The following NOTCH3 variants were observed in gnomAD, a reference collection of about 807,000 sequenced individuals.
The protein encoded by NOTCH3 is neurogenic locus notch homolog protein 3.
In NOTCH3, 86 loss-of-function variants were observed where a neutral mutation model predicts 213.3. The observed-to-expected ratio is 0.40, with a 90% confidence interval of 0.34 to 0.48. NOTCH3 has a LOEUF of 0.48. NOTCH3 is among the 20% of genes least tolerant of loss of function. NOTCH3 has a pLI of 0.57. For missense variants in NOTCH3, 2,783 were observed against 3,272.6 expected, an observed-to-expected ratio of 0.85 and a Z score of 3.65; for synonymous variants, 1,354 against 1,355.9, an observed-to-expected ratio of 1.00 and a Z score of 0.03.
chr19:15,186,879 T>C lies in NOTCH3; in HGVS notation c.1950A>G (p.Thr650=), dbSNP rs1263285190. ...RYDCVCQPGF[T]GPLCNVEINE... ...CTCTCATGGCAGCCACTTGCCCACC[T>C]GTGAAGCCAGGTTGGCAGACACAGT... is the stretch of plus-strand genomic sequence containing the variant. Residue 650 remains threonine, a splice_region_variant and synonymous_variant, in exon 12 of 33, where the codon ACA becomes ACG. Transcript: ENST00000263388. 1 of 1,613,814 alleles carries C rather than the reference T, an allele frequency of 6.2e-7. No individual in the cohort carries two copies. The highest frequency in any genetic ancestry group is 1.7e-5 in the Admixed American group (1 of 60,022).
rs2046804481 is a variant in NOTCH3 at position 15,177,789 on chromosome 19, T to C, written c.4139A>G (p.Glu1380Gly). The C allele has an allele frequency of 2.3e-6, 3 of 1,282,880 alleles. No individual in the cohort carries two copies. The highest frequency in any genetic ancestry group is 3.2e-5 in the East Asian group (1 of 31,020). The allele number at this position is 1,282,880 out of a possible 1,614,324, so 79.5% of individuals were successfully genotyped here. Residue 1380 changes from glutamate to glycine, a missense_variant, in exon 24 of 33, where the codon GAG becomes GGG. Coordinates refer to ENST00000263388, the MANE Select transcript of NOTCH3 (RefSeq NM_000435.3). Reference protein sequence around the residue: ...PRCEAPAAAPEVSEEPRCPRA... With the variant: ...PRCEAPAAAPGVSEEPRCPRA... ...CGGGCACCGCGGCTCCTCCGAGACC[T>C]CGGGTGCCGCGGCGGGCGCCTCGCA...
chr19:15,193,253 A>G (rs1257728560), intron 2 of NOTCH3, among the ~76,000 whole-genome samples: 1 of 150,490 alleles, frequency 6.6e-6, no homozygotes, highest in Non-Finnish European at 1.5e-5. Flanking sequence ...TTTTTTTTTT[A>G]AGAGACGGAG....
Position 15,197,742 on chromosome 19 carries a change from C to A in NOTCH3, c.119-164G>T, listed in dbSNP as rs1290403357. Among the ~76,000 whole-genome samples the A allele has an allele frequency of 3.4e-4, 28 of 83,356 alleles. No homozygotes were observed. In the South Asian group the frequency reaches 0.014, roughly 41 times the overall value. 54.7% of individuals were successfully genotyped at this position (83,356 alleles called of 152,430 possible). A position where few individuals can be genotyped will look rare whatever the true frequency, so the allele number is the denominator to read the frequency against. ...CCATCCACAGTTCCCACGCCCCCCC[C>A]CCCCCCGCCCCAGCCCCAGCTGTTG... On this transcript the variant is annotated intron_variant, in intron 1 of 32. Coordinates refer to ENST00000263388, the MANE Select transcript of NOTCH3 (RefSeq NM_000435.3).
At chr19:15,197,264 A>G (rs946955987) in intron 2 of NOTCH3, among the ~76,000 whole-genome samples, 4 of 152,146 alleles carry the variant, frequency 2.6e-5, no homozygotes, top group Non-Finnish European at 5.9e-5. Flanking sequence ...AGATGTAAAG[A>G]GTTTAATTCC....
At chr19:15,197,652 C>T in intron 1 of NOTCH3, 74 bp from the exon 2 acceptor site, 1 of 1,352,554 alleles carries the variant, frequency 7.4e-7, no homozygotes, top group Non-Finnish European at 1.0e-6. Context: ...CAAACCCCCT[C>T]CCTCCCTCCA....
intron 24 of NOTCH3, 141 bp from the exon 25 acceptor site, chr19:15,174,541 CT>C (rs1309821456): frequency 3.4e-6 from 2 of 593,178 alleles, no homozygotes; most frequent in African/African-American, 3.8e-5. Flanking sequence ...CCATGCCAGG[CT>C]TTCTGCAAAT....
In NOTCH3 at chr19:15,187,348, C is replaced by G; in HGVS notation, c.1607-10G>C. The G allele has an allele frequency of 6.2e-7, 1 of 1,610,746 alleles. No homozygotes were observed. The highest frequency in any genetic ancestry group is 8.5e-7 in the Non-Finnish European group (1 of 1,178,432). Reference sequence around the variant, plus strand: ...AGCGTGCCCTCAAAGCCTGTGGGGCCAAGAGGGTCAGGCTCCGCCCACTTG... The same window carrying G: ...AGCGTGCCCTCAAAGCCTGTGGGGCGAAGAGGGTCAGGCTCCGCCCACTTG... On this transcript the variant is annotated splice_polypyrimidine_tract_variant and intron_variant, in intron 10 of 32. Coordinates refer to ENST00000263388, the MANE Select transcript of NOTCH3 (RefSeq NM_000435.3).
rs1206256945 is a variant in NOTCH3 at position 15,187,110 on chromosome 19, G to C, written c.1835C>G (p.Thr612Ser). Residue 612 changes from threonine (T) to serine (S), a missense_variant, in exon 11 of 33, where the codon ACC becomes AGC. By Grantham distance (58) the Thr-to-Ser change is moderately conservative. Transcript: ENST00000263388. ...GCCCCAGCCCCCGGTCCCACCTGTG[G>C]TCCCAGAAGGGCAGCGGCAGAGGTA... ...DKYLCRCPSG[T>S]TGVNCEVNID... 2 of 1,613,788 alleles carry C rather than the reference G, an allele frequency of 1.2e-6. No individual in the cohort carries two copies. Among genetic ancestry groups the C allele is most frequent in the Non-Finnish European group, 1.7e-6 (2 of 1,179,856 alleles).
chr19:15,197,441 G>GCGCCCCCC, intron 2 of NOTCH3, 59 bp downstream of exon 2: 40 of 768,340 alleles, frequency 5.2e-5, no homozygotes, highest in East Asian at 8.2e-5. Context: ...AAGACAAATC[G>GCGCCCCCC]CCCCTCCCCC....
rs747234439 is a variant in NOTCH3, at chr19:15,181,035, C to A, written c.2920G>T (p.Gly974Trp). 6.2e-7 allele frequency: 1 copy of A among 1,602,928 alleles called. No individual in the cohort carries two copies. The highest frequency in any genetic ancestry group is 8.5e-7 in the Non-Finnish European group (1 of 1,175,556). The change falls in exon 18 of 33, where the codon GGG (glycine) becomes TGG (tryptophan). Residue 974 changes from glycine (G) to tryptophan (W), a missense_variant. Around this residue, in one of 6 missense-constraint regions of NOTCH3, gnomAD observed 861 missense variants for 909.1 expected, o/e 0.95. Transcript: ENST00000263388. ...DPCLSRPCLH[G>W]GVCSAAHPGF... ...GGGTGGGCGGCGCTGCAGACGCCCC[C>A]GTGTAGGCAGGGCCGCGAGAGGCAG...
Position 15,170,343 on chromosome 19 carries a change from G to C in NOTCH3, c.5102C>G (p.Ala1701Gly). 1 of 1,613,048 alleles carries C rather than the reference G, an allele frequency of 6.2e-7. No individual in the cohort carries two copies. The highest frequency in any genetic ancestry group is 8.5e-7 in the Non-Finnish European group (1 of 1,179,706). The change falls in exon 27 of 33, where the codon GCG becomes GGG. Residue 1701 changes from alanine to glycine, a missense_variant. Physicochemically the swap from Ala to Gly is moderately conservative, Grantham distance 60 (BLOSUM62 0). This residue lies in a region of NOTCH3 where 636 missense variants were observed against 801.8 expected (regional missense o/e 0.79). Coordinates refer to ENST00000263388, the MANE Select transcript of NOTCH3 (RefSeq NM_000435.3). ...GCAGGGTTCTCACTTCATGCCCAGC[G>C]CGTCCTGGCCCACGGGTTCCCGCCG... is the stretch of plus-strand genomic sequence containing the variant. Reference protein sequence around the residue: ...KGRREPVGQDALGMKNMAKGE... With the variant: ...KGRREPVGQDGLGMKNMAKGE...
At position 15,170,074 on chromosome 19, in the gene NOTCH3, G is replaced by T. The variant is rs749152224; in HGVS notation, c.5199+12C>A. 1.3e-5 allele frequency: 20 copies of T among 1,536,748 alleles called. 1 individual carries two copies. The highest frequency in any genetic ancestry group is 1.2e-4 in the East Asian group (5 of 43,366). On this transcript the variant is annotated intron_variant, in intron 28 of 32. Transcript: ENST00000263388. ...TCAGAGGAGGGGGCAAAGGTCAGAG[G>T]GGGGGCAGTACCTTTAGCCGCTTGG...
At position 15,181,196 on chromosome 19, in the gene NOTCH3, T is replaced by C. The variant is rs1169082778; in HGVS notation, c.2793-34A>G. The C allele has an allele frequency of 1.9e-6, 3 of 1,579,740 alleles. No individual in the cohort carries two copies. In the South Asian group the frequency reaches 3.4e-5, roughly 18 times the overall value. ...GAAGGAGTGGGAGGGAGGATCAGGC[T>C]CCGCCCCCTCACAGGCCCTGCCCTC... On this transcript the variant is annotated intron_variant, in intron 17 of 32. Transcript: ENST00000263388.
chr19:15,196,001 GCCGGTGGGGGGGTCTTGGGGGAT>G (rs1275777879), intron 2 of NOTCH3, among the ~76,000 whole-genome samples: 1 of 149,556 alleles, frequency 6.7e-6, no homozygotes, highest in Non-Finnish European at 1.5e-5. Context: ...AACGTCTGCT[GCCGGTGGGGGGGTCTTGGGGGAT>G]CCATGGGTGG....
In NOTCH3 at chr19:15,180,163, C is replaced by T. The variant is rs747722676; in HGVS notation, c.3236G>A (p.Ser1079Asn). ...GGGGTCCACCTCCTGCTCACAGTGG[C>T]TACCAGTACGGCCCTCTGGGCACAC... ...YCVCPEGRTG[S>N]HCEQEVDPCL... is the part of the protein sequence containing the mutation. Residue 1079 changes from serine (S) to asparagine (N), a missense_variant, in exon 20 of 33, where the codon AGC becomes AAC. By Grantham distance (46) the Ser-to-Asn change is conservative. This residue lies in a region of NOTCH3 where 861 missense variants were observed against 909.1 expected (regional missense o/e 0.95). Transcript: ENST00000263388. 5.0e-6 allele frequency: 8 copies of T among 1,613,628 alleles called. No individual in the cohort carries two copies. In the African/African-American group the frequency reaches 1.1e-4, roughly 22 times the overall value.
rs1367618308 is a variant in NOTCH3 at position 15,177,759 on chromosome 19, G to A, written c.4169C>T (p.Ala1390Val). 4.3e-6 allele frequency: 6 copies of A among 1,388,520 alleles called. No individual in the cohort carries two copies. Among genetic ancestry groups the A allele is most frequent in the Non-Finnish European group, 5.6e-6 (6 of 1,080,498 alleles). 86.0% of individuals were successfully genotyped at this position (1,388,520 alleles called of 1,614,324 possible). Reference protein sequence around the residue: ...EVSEEPRCPRAACQAKRGDQR... With the variant: ...EVSEEPRCPRVACQAKRGDQR... ...GTCCCCGCGCTTGGCCTGGCAGGCG[G>A]CGCGCGGGCACCGCGGCTCCTCCGA... The change falls in exon 24 of 33, where the codon GCC (alanine) becomes GTC (valine). Residue 1390 changes from alanine (A) to valine (V), a missense_variant. Coordinates refer to ENST00000263388, the MANE Select transcript of NOTCH3 (RefSeq NM_000435.3).
chr19:15,195,891 G>A (rs2046966132), intron 2 of NOTCH3, among the ~76,000 whole-genome samples: 1 of 151,108 alleles, frequency 6.6e-6, no homozygotes, highest in Admixed American at 6.6e-5. Context: ...CCCGCCCCAC[G>A]GCCTAAGCTT....
At chr19:15,197,089 G>A (rs1250735777) in intron 2 of NOTCH3, among the ~76,000 whole-genome samples, 5 of 152,126 alleles carry the variant, frequency 3.3e-5, no homozygotes, top group Non-Finnish European at 5.9e-5. Context: ...TCCACTAAAT[G>A]TTGAGAGATG....
intron 1 of NOTCH3, among the ~76,000 whole-genome samples, chr19:15,198,773 T>C (rs1382914129): frequency 6.6e-6 from 1 of 151,774 alleles, no homozygotes; most frequent in Non-Finnish European, 1.5e-5. Context: ...TAGCTGGGTG[T>C]GGTGGCGCAC....
Sources: allele counts gnomAD v4.1 joint callset (sites outside exome capture counted in the v4.1 genomes callset), GRCh38; gene constraint gnomAD v4.1.1; regional missense constraint gnomAD v4.1.1; transcripts MANE v1.5; gene names NCBI Gene and HGNC (gene_info 2026-07-23, HGNC 2026-07-21).